Variants in ETV1 observed in about 807,000 individuals in gnomAD.
The protein encoded by ETV1 is ETS variant transcription factor 1, also known as ETS translocation variant 1.
Under a neutral mutation model 62.3 loss-of-function variants are expected in ETV1, and 27 were observed. That is an observed-to-expected ratio of 0.43 (90% CI 0.32 to 0.60). The LOEUF (loss-of-function observed/expected upper bound fraction) is 0.60. ETV1 is among the 20% of genes least tolerant of loss of function. The probability of loss-of-function intolerance (pLI) is 0.06; values close to 1 mark genes in which losing one functional copy is unlikely to be tolerated. For missense variants in ETV1, 605 were observed against 605.8 expected, an observed-to-expected ratio of 1.00 and a Z score of 0.01; for synonymous variants, 222 against 199.6, an observed-to-expected ratio of 1.11 and a Z score of -0.94.
chr7:13,977,729 G>A (rs978322448), intron 5 of ETV1, among the ~76,000 whole-genome samples: 3 of 151,922 alleles, frequency 2.0e-5, no homozygotes, highest in South Asian at 2.1e-4. Flanking sequence ...TATTCCCTCC[G>A]AATTTCACCT....
intron 6 of ETV1, among the ~76,000 whole-genome samples, chr7:13,970,100 C>CA (rs577603482): frequency 0.076 from 10,907 of 143,864 alleles, 579 homozygotes; most frequent in South Asian, 0.16. Flanking sequence ...ACTAAAAATA[C>CA]AAAAAAAAAA....
At chr7:13,986,325 A>G (rs2128513509) in intron 5 of ETV1, 8 of 1,495,150 alleles carry the variant, frequency 5.4e-6, no homozygotes, top group African/African-American at 1.4e-5. Context: ...AATAATATAA[A>G]CCTGATCAAT....
intron 6 of ETV1, among the ~76,000 whole-genome samples, chr7:13,962,745 G>C (rs1423847111): frequency 2.6e-5 from 4 of 151,824 alleles, no homozygotes; most frequent in Non-Finnish European, 4.4e-5. Context: ...GGAACTTCAG[G>C]GATTGCCCAC....
intron 6 of ETV1, among the ~76,000 whole-genome samples, chr7:13,947,745 A>G (rs1031466075): frequency 6.6e-6 from 1 of 152,218 alleles, no homozygotes; most frequent in Admixed American, 6.5e-5. Flanking sequence ...TTCTTCAGCA[A>G]TTAATTCATT....
At chr7:13,934,481 G>T (rs1429309397) in intron 8 of ETV1, among the ~76,000 whole-genome samples, 1 of 152,212 alleles carries the variant, frequency 6.6e-6, no homozygotes, top group East Asian at 1.9e-4. Context: ...TGATCTAGAA[G>T]ATTCCTTTGG....
intron 9 of ETV1, among the ~76,000 whole-genome samples, chr7:13,918,753 T>C (rs978393245): frequency 7.3e-5 from 11 of 151,398 alleles, no homozygotes; most frequent in South Asian, 2.1e-4. Context: ...AGGGATAGCA[T>C]TGGGAGATAT....
At chr7:13,907,583 A>G (rs1447104071) in intron 11 of ETV1, among the ~76,000 whole-genome samples, 3 of 152,094 alleles carry the variant, frequency 2.0e-5, no homozygotes, top group African/African-American at 7.2e-5. Context: ...CTGATTATTT[A>G]CTTCCATCTC....
Position 13,904,340 on chromosome 7 carries a change from G to A in ETV1, c.1110+2090C>T, listed in dbSNP as rs572674829. Among the ~76,000 whole-genome samples, 20 of 152,306 alleles carry A rather than the reference G, an allele frequency of 1.3e-4. 1 individual carries two copies. Among genetic ancestry groups the A allele is most frequent in the African/African-American group, 3.6e-4 (15 of 41,570 alleles). Reference sequence around the variant, plus strand: ...AGCCTCTTTTTAACTTTATGAGGCTGCTACAGAAGAGTTGTCTAAATGTCA... The same window carrying A: ...AGCCTCTTTTTAACTTTATGAGGCTACTACAGAAGAGTTGTCTAAATGTCA... On this transcript the variant is annotated intron_variant, in intron 12 of 13. Coordinates refer to ENST00000430479, the MANE Select transcript of ETV1 (RefSeq NM_004956.5).
In ETV1 at chr7:13,939,246, A is replaced by G; in HGVS notation, c.236T>C (p.Leu79Ser). 1 of 1,601,784 alleles carries G rather than the reference A, an allele frequency of 6.2e-7. No homozygotes were observed. The highest frequency in any genetic ancestry group is 1.8e-5 in the Admixed American group (1 of 55,696). ...QFVPDYQAESLAFHGLPLKIK... is the reference protein window; with the variant it reads ...QFVPDYQAESSAFHGLPLKIK... Reference sequence around the variant, plus strand: ...TTTCAGTGGCAGGCCATGAAAAGCCACTAGAAAAAAGAACAAAAATATCCA... The same window carrying G: ...TTTCAGTGGCAGGCCATGAAAAGCCGCTAGAAAAAAGAACAAAAATATCCA... Residue 79 changes from leucine (L) to serine (S), a missense_variant and splice_region_variant, in exon 7 of 14, where the codon TTG (leucine) becomes TCG (serine). Around this residue, in one of 3 missense-constraint regions of ETV1, gnomAD observed 426 missense variants for 377.8 expected, o/e 1.13. Coordinates refer to ENST00000430479, the MANE Select transcript of ETV1 (RefSeq NM_004956.5).
chr7:13,907,620 A>C (rs936541216), intron 11 of ETV1, among the ~76,000 whole-genome samples: 1 of 152,128 alleles, frequency 6.6e-6, no homozygotes, highest in Non-Finnish European at 1.5e-5. Flanking sequence ...AAATAGGTGG[A>C]ACTGCTCACA....
chr7:13,977,399 T>A, intron 6 of ETV1, 28 bp downstream of exon 6: 1 of 1,435,028 alleles, frequency 7.0e-7, no homozygotes. Context: ...GACAGAAAAA[T>A]ACAAGAGATG....
chr7:13,942,928 A>AT (rs1211478484), intron 6 of ETV1, among the ~76,000 whole-genome samples: 1 of 152,202 alleles, frequency 6.6e-6, no homozygotes, highest in Non-Finnish European at 1.5e-5. Context: ...GTAGGAAAAT[A>AT]TTTATAAACA....
At chr7:13,939,454 G>A (rs1787221766) in intron 6 of ETV1, among the ~76,000 whole-genome samples, 1 of 152,128 alleles carries the variant, frequency 6.6e-6, no homozygotes, top group African/African-American at 2.4e-5. Context: ...GTAACAAAAT[G>A]CATGCTTGAA....
At chr7:13,917,750 G>A (rs570156146) in intron 9 of ETV1, among the ~76,000 whole-genome samples, 76 of 152,140 alleles carry the variant, frequency 5.0e-4, no homozygotes, top group Non-Finnish European at 7.9e-4. Flanking sequence ...GGATCATGAG[G>A]TCAGGAGATC....
intron 13 of ETV1, among the ~76,000 whole-genome samples, chr7:13,899,500 C>G (rs143698530): frequency 6.6e-6 from 1 of 152,124 alleles, no homozygotes; most frequent in Non-Finnish European, 1.5e-5. Flanking sequence ...TGCTATTTTT[C>G]GCTGCTCTAA....
intron 9 of ETV1, among the ~76,000 whole-genome samples, chr7:13,918,165 C>T (rs1331776979): frequency 6.6e-6 from 1 of 151,598 alleles, no homozygotes; most frequent in Non-Finnish European, 1.5e-5. Context: ...CTTGGATCAC[C>T]ACAATATTCA....
chr7:13,988,237 C>T, intron 3 of ETV1, 64 bp from the exon 4 acceptor site: 6 of 904,740 alleles, frequency 6.6e-6, no homozygotes, highest in South Asian at 2.6e-5. Context: ...CACGCACACG[C>T]GCGCGCACAC....
At position 13,893,989 on chromosome 7, in the gene ETV1, A is replaced by G. The variant is rs953759619; in HGVS notation, c.*1877T>C. 8.6e-6 allele frequency: 2 copies of G among 232,876 alleles called. No individual in the cohort carries two copies. The highest frequency in any genetic ancestry group is 1.2e-4 in the East Asian group (2 of 16,476). The allele number at this position is 232,876 out of a possible 1,614,324, so 14.4% of individuals were successfully genotyped here. ...TGTAGGATTAAATGTGAAGAGTAGC[A>G]ATTTTGGTGTTTGGGTTTCTTGATA... On this transcript the variant is annotated 3_prime_UTR_variant, in exon 14 of 14. Transcript: ENST00000430479.
At chr7:13,950,499 G>A (rs1450164476) in intron 6 of ETV1, among the ~76,000 whole-genome samples, 1 of 152,150 alleles carries the variant, frequency 6.6e-6, no homozygotes, top group East Asian at 1.9e-4. Context: ...AGCCCCGGAA[G>A]TGATCAGGTG....
Sources: gnomAD v4.1 joint callset for allele counts (sites outside exome capture counted in the v4.1 genomes callset) on GRCh38, gnomAD v4.1.1 for gene constraint, gnomAD v4.1.1 regional missense constraint, MANE v1.5 for transcripts, NCBI Gene and HGNC (gene_info 2026-07-23, HGNC 2026-07-21) for gene names.